The following NXPH1 variants were observed in gnomAD, a reference collection of about 807,000 sequenced individuals.
NXPH1 encodes the protein neurexophilin 1, also known as neurexophilin-1.
In NXPH1, 5 loss-of-function variants were observed where a neutral mutation model predicts 23.7. The observed-to-expected ratio is 0.21, with a 90% CI of 0.11 to 0.44. The LOEUF is 0.44. Among genes scored for constraint, NXPH1 ranks in the 20% least tolerant of loss-of-function variants. The probability of loss-of-function intolerance (pLI) is 0.99; values close to 1 mark genes in which losing one functional copy is unlikely to be tolerated. For synonymous variants in NXPH1, 144 were observed against 122.2 expected (o/e 1.18, Z -1.18); for missense variants, 324 against 321.6 (o/e 1.01, Z -0.06).
intron 2 of NXPH1, among the ~76,000 whole-genome samples, chr7:8,581,142 A>C (rs1488167296): frequency 6.6e-6 from 1 of 152,216 alleles, no homozygotes; most frequent in Admixed American, 6.5e-5. Context: ...CAGAGGGGTT[A>C]GGATGGAAGA....
At chr7:8,473,937 G>T (rs1816918015) in intron 2 of NXPH1, among the ~76,000 whole-genome samples, 1 of 152,030 alleles carries the variant, frequency 6.6e-6, no homozygotes, top group East Asian at 1.9e-4. Context: ...ACTGCTGCAG[G>T]TATCCTGAGC....
intron 2 of NXPH1, among the ~76,000 whole-genome samples, chr7:8,720,235 C>G (rs947920958): frequency 6.6e-6 from 1 of 152,172 alleles, no homozygotes; most frequent in Non-Finnish European, 1.5e-5. Context: ...GTACAACCAC[C>G]TTTCATTTGG....
intron 2 of NXPH1, among the ~76,000 whole-genome samples, chr7:8,716,264 A>C (rs1190519805): frequency 2.0e-5 from 3 of 152,174 alleles, no homozygotes; most frequent in Non-Finnish European, 4.4e-5. Context: ...AAGTCCTCCC[A>C]TATCATCTCC....
intron 2 of NXPH1, among the ~76,000 whole-genome samples, chr7:8,540,768 C>G (rs28705178): frequency 0.061 from 9,183 of 151,706 alleles, 947 homozygotes; most frequent in African/African-American, 0.21. Context: ...AACACTCACA[C>G]AGTGCCAGCA....
At chr7:8,684,602 T>C (rs1281079755) in intron 2 of NXPH1, among the ~76,000 whole-genome samples, 1 of 152,164 alleles carries the variant, frequency 6.6e-6, no homozygotes, top group Non-Finnish European at 1.5e-5. Context: ...CTGGCACACT[T>C]ACAGAACAGT....
chr7:8,657,849 G>A (rs1275197002), intron 2 of NXPH1, among the ~76,000 whole-genome samples: 7 of 152,122 alleles, frequency 4.6e-5, no homozygotes, highest in African/African-American at 1.4e-4. Context: ...CCAGCATGGC[G>A]AAACACTGTC....
At chr7:8,580,893 C>T (rs1818855134) in intron 2 of NXPH1, among the ~76,000 whole-genome samples, 1 of 152,132 alleles carries the variant, frequency 6.6e-6, no homozygotes, top group Non-Finnish European at 1.5e-5. Flanking sequence ...TGGAATTGTT[C>T]TTATATTCTT....
chr7:8,747,339 G>A (rs1780487960), intron 2 of NXPH1, among the ~76,000 whole-genome samples: 1 of 152,168 alleles, frequency 6.6e-6, no homozygotes. Context: ...TGTCAGAGGA[G>A]TCTTAGCAAC....
At chr7:8,531,360 A>G (rs911719666) in intron 2 of NXPH1, among the ~76,000 whole-genome samples, 28 of 152,334 alleles carry the variant, frequency 1.8e-4, no homozygotes, top group African/African-American at 6.7e-4. Context: ...GTCATACTCT[A>G]TTTGTTGAAT....
At chr7:8,538,045 T>C (rs1384717598) in intron 2 of NXPH1, among the ~76,000 whole-genome samples, 1 of 151,888 alleles carries the variant, frequency 6.6e-6, no homozygotes, top group Non-Finnish European at 1.5e-5. Flanking sequence ...TTGCTTCTCA[T>C]CCTTTGGCTA....
At chr7:8,535,283 G>C (rs1818010565) in intron 2 of NXPH1, among the ~76,000 whole-genome samples, 1 of 152,066 alleles carries the variant, frequency 6.6e-6, no homozygotes, top group African/African-American at 2.4e-5. Flanking sequence ...GAAACAATCA[G>C]TGGAAATAAT....
intron 2 of NXPH1, among the ~76,000 whole-genome samples, chr7:8,681,410 G>T (rs11762948): frequency 0.35 from 52,830 of 151,992 alleles, 9,317 homozygotes; most frequent in Admixed American, 0.39. Flanking sequence ...GACACCAAAG[G>T]GACCTTGTGT....
intron 2 of NXPH1, among the ~76,000 whole-genome samples, chr7:8,661,745 T>C (rs185157772): frequency 1.1e-4 from 16 of 152,266 alleles, no homozygotes; most frequent in African/African-American, 3.8e-4. Flanking sequence ...ATCAAAATTT[T>C]TCAAGTATAA....
At position 8,703,300 on chromosome 7, in the gene NXPH1, A is replaced by G. The variant is rs547002398; in HGVS notation, c.55-47708A>G. ...TTAGTCATGGTAGCTGCTTTCTGCA[A>G]TTATTACGTCTGTGCTACTTTAGTG... On this transcript the variant is annotated intron_variant, in intron 2 of 2. Transcript: ENST00000405863. Among the ~76,000 whole-genome samples, 78 of 152,206 alleles carry G rather than the reference A, an allele frequency of 5.1e-4. 1 individual carries two copies. The highest frequency in any genetic ancestry group is 8.1e-4 in the Non-Finnish European group (55 of 67,982).
chr7:8,738,148 C>G (rs1224560873), intron 2 of NXPH1, among the ~76,000 whole-genome samples: 1 of 152,202 alleles, frequency 6.6e-6, no homozygotes, highest in Non-Finnish European at 1.5e-5. Flanking sequence ...ATTCGTCAAA[C>G]TCATTCTCCG....
rs148412957 is a variant in NXPH1, at chr7:8,635,015, A to G, written c.55-115993A>G. ...AAGTGCAAACAACATTTGATGATGT[A>G]GCTATAATACTGGGAGTTTTGAACA... On this transcript the variant is annotated intron_variant, in intron 2 of 2. Transcript: ENST00000405863. Among the ~76,000 whole-genome samples, 796 of 152,320 alleles carry G rather than the reference A, an allele frequency of 5.2e-3. 8 individuals are homozygous for G. The highest frequency in any genetic ancestry group is 0.018 in the African/African-American group (745 of 41,572).
intron 2 of NXPH1, among the ~76,000 whole-genome samples, chr7:8,502,024 A>T (rs531734610): frequency 1.8e-3 from 231 of 129,166 alleles, no homozygotes; most frequent in African/African-American, 5.7e-3. Context: ...TGGGGGAGTT[A>T]ACAGAGTGGA....
chr7:8,568,026 C>T (rs776731895), intron 2 of NXPH1, among the ~76,000 whole-genome samples: 44 of 151,784 alleles, frequency 2.9e-4, no homozygotes, highest in Non-Finnish European at 4.7e-4. Context: ...AATTGCAGGG[C>T]GAGTCTTTTT....
intron 2 of NXPH1, among the ~76,000 whole-genome samples, chr7:8,539,991 G>A (rs1409121113): frequency 6.6e-6 from 1 of 151,702 alleles, no homozygotes; most frequent in African/African-American, 2.4e-5. Context: ...AATTTACTTT[G>A]TTAAAAATAT....
Sources: allele counts gnomAD v4.1 joint callset (sites outside exome capture counted in the v4.1 genomes callset), GRCh38; gene constraint gnomAD v4.1.1; transcripts MANE v1.5; gene names NCBI Gene and HGNC (gene_info 2026-07-23, HGNC 2026-07-21).